RFC3: variants seen among roughly 807,000 people sequenced by gnomAD.
RFC3 encodes replication factor C subunit 3, also known as A1 38 kDa subunit.
In RFC3, 41 loss-of-function variants were observed where a neutral mutation model predicts 45.1. That is an observed-to-expected ratio of 0.91 (90% CI 0.71 to 1.18). The LOEUF (loss-of-function observed/expected upper bound fraction) is 1.18. Among genes scored for constraint, RFC3 ranks in the 50% most tolerant of loss-of-function variants. RFC3 has a pLI of 0.00. For missense variants in RFC3, 423 were observed against 428.1 expected, an observed-to-expected ratio of 0.99 and a Z score of 0.10; for synonymous variants, 149 against 144.0, an observed-to-expected ratio of 1.03 and a Z score of -0.25.
chr13:33,865,407 G>A (rs895954984), intron 8 of RFC3, among the ~76,000 whole-genome samples: 8 of 152,140 alleles, frequency 5.3e-5, no homozygotes, highest in African/African-American at 1.4e-4. Context: ...TGGATTGAGT[G>A]TGTGTGATGG....
chr13:33,916,771 C>A (rs999951043), intron 8 of RFC3, among the ~76,000 whole-genome samples: 1 of 148,444 alleles, frequency 6.7e-6, no homozygotes, highest in Non-Finnish European at 1.5e-5. Flanking sequence ...TGTGCATGTA[C>A]ATACACATAT....
chr13:33,909,436 C>T (rs1475617046), intron 8 of RFC3, among the ~76,000 whole-genome samples: 1 of 152,022 alleles, frequency 6.6e-6, no homozygotes, highest in Non-Finnish European at 1.5e-5. Flanking sequence ...CCTTCATCTG[C>T]TTCTGCTCTT....
At chr13:33,924,733 A>G (rs1052169209) in intron 8 of RFC3, among the ~76,000 whole-genome samples, 3 of 147,264 alleles carry the variant, frequency 2.0e-5, no homozygotes, top group South Asian at 2.1e-4. Flanking sequence ...GTGTGTATAT[A>G]TATATATATA....
chr13:33,965,962 G>T, intron 8 of RFC3: 9 of 664,402 alleles, frequency 1.4e-5, no homozygotes, highest in Middle Eastern at 2.5e-4. Context: ...TAATTCATTC[G>T]TAGCTTGCTC....
At chr13:33,829,733 T>G in intron 4 of RFC3, 103 bp from the exon 5 acceptor site, 1 of 881,392 alleles carries the variant, frequency 1.1e-6, no homozygotes, top group Admixed American at 1.8e-5. Flanking sequence ...TATATCAGGC[T>G]TATTATTTAG....
chr13:33,820,593 C>T (rs1485833499), intron 1 of RFC3, among the ~76,000 whole-genome samples: 2 of 152,110 alleles, frequency 1.3e-5, no homozygotes, highest in African/African-American at 4.8e-5. Flanking sequence ...TCCCCACTCT[C>T]CTATGAAGTT....
chr13:33,876,410 A>T (rs1299769840), intron 8 of RFC3, among the ~76,000 whole-genome samples: 2 of 152,176 alleles, frequency 1.3e-5, no homozygotes, highest in African/African-American at 4.8e-5. Flanking sequence ...ATCAATGTTC[A>T]TTGCTTTCTG....
At chr13:33,888,104 T>G (rs977541207) in intron 8 of RFC3, among the ~76,000 whole-genome samples, 1 of 151,970 alleles carries the variant, frequency 6.6e-6, no homozygotes, top group Non-Finnish European at 1.5e-5. Context: ...ATTGACTTGG[T>G]GATGCAGGCT....
downstream of RFC3, among the ~76,000 whole-genome samples, chr13:33,969,661 C>T (rs1428547844): frequency 6.6e-6 from 1 of 152,120 alleles, no homozygotes; most frequent in African/African-American, 2.4e-5. Context: ...AAAGATTCGA[C>T]CTGAAAGTCA....
intron 8 of RFC3, among the ~76,000 whole-genome samples, chr13:33,935,758 G>T (rs140225501): frequency 6.6e-6 from 1 of 152,234 alleles, no homozygotes; most frequent in Non-Finnish European, 1.5e-5. Context: ...GTGGGAAGAG[G>T]ACACAGCATT....
chr13:33,861,800 G>A (rs567619272), intron 8 of RFC3, among the ~76,000 whole-genome samples: 1 of 152,230 alleles, frequency 6.6e-6, no homozygotes, highest in Admixed American at 6.5e-5. Context: ...TAACAATTTT[G>A]TACCGACACT....
At chr13:33,968,284 C>T (rs781386116), downstream of RFC3, among the ~76,000 whole-genome samples, 25 of 152,316 alleles carry the variant, frequency 1.6e-4, no homozygotes, top group Middle Eastern at 3.4e-3. Context: ...TGCGCCACTA[C>T]ACCTGGCTAA....
At chr13:33,911,222 A>G (rs1341218183) in intron 8 of RFC3, among the ~76,000 whole-genome samples, 1 of 152,100 alleles carries the variant, frequency 6.6e-6, no homozygotes, top group Non-Finnish European at 1.5e-5. Flanking sequence ...TGAATAGACT[A>G]AGGTCAAACA....
In RFC3 at chr13:33,948,489, CA is replaced by C. The variant is rs1319740070; in HGVS notation, c.880-17597del. Among the ~76,000 whole-genome samples the C allele has an allele frequency of 2.0e-5, 3 of 152,338 alleles. No individual in the cohort carries two copies. In the East Asian group the frequency reaches 5.8e-4, roughly 29 times the overall value. On this transcript the variant is annotated intron_variant, in intron 8 of 8. Coordinates refer to the RFC3 transcript ENST00000434425. Reference sequence around the variant, plus strand: ...TGCGGTTGGATTCCCCCAAAGTCCCCACTAGGGCACTGCCTCGTGGAGCTGT... The same window carrying C: ...TGCGGTTGGATTCCCCCAAAGTCCCCCTAGGGCACTGCCTCGTGGAGCTGT...
chr13:33,921,082 T>G (rs1308764479), intron 8 of RFC3, among the ~76,000 whole-genome samples: 2 of 152,150 alleles, frequency 1.3e-5, no homozygotes, highest in Non-Finnish European at 2.9e-5. Context: ...AACTAAAATT[T>G]GAAATCTTGA....
intron 8 of RFC3, among the ~76,000 whole-genome samples, chr13:33,901,389 A>G (rs2082641000): frequency 6.6e-6 from 1 of 152,148 alleles, no homozygotes; most frequent in Non-Finnish European, 1.5e-5. Context: ...ATTTTCAGCA[A>G]CATGGATAGA....
intron 8 of RFC3, among the ~76,000 whole-genome samples, chr13:33,964,655 G>A (rs1482069444): frequency 6.6e-6 from 1 of 152,202 alleles, no homozygotes; most frequent in Non-Finnish European, 1.5e-5. Flanking sequence ...CCACAAAGTA[G>A]TTTTAGCTGC....
chr13:33,840,754 T>C (rs1255640974), downstream of RFC3, among the ~76,000 whole-genome samples: 3 of 151,988 alleles, frequency 2.0e-5, no homozygotes, highest in Non-Finnish European at 4.4e-5. Flanking sequence ...CATGGAAAAA[T>C]GCATAACCTA....
At chr13:33,856,940 C>T (rs1030264667) in intron 8 of RFC3, among the ~76,000 whole-genome samples, 1 of 152,188 alleles carries the variant, frequency 6.6e-6, no homozygotes, top group Non-Finnish European at 1.5e-5. Flanking sequence ...CAACTCTACC[C>T]AGACAGCAAA....
Sources: allele counts gnomAD v4.1 joint callset (sites outside exome capture counted in the v4.1 genomes callset), GRCh38; gene constraint gnomAD v4.1.1; transcripts MANE v1.5; gene names NCBI Gene and HGNC (gene_info 2026-07-23, HGNC 2026-07-21).